Variants in POLE2 observed in about 807,000 individuals in gnomAD.
POLE2 encodes DNA polymerase epsilon subunit 2.
POLE2 carries 56 observed loss-of-function variants against 79.4 expected under a neutral mutation model. The ratio of observed to expected loss-of-function variants is 0.71; its 90% CI spans 0.57 to 0.88. The LOEUF (loss-of-function observed/expected upper bound fraction) is 0.88. POLE2 is among the 40% of genes least tolerant of loss of function. The probability of loss-of-function intolerance (pLI) is 0.00; values close to 1 mark genes in which losing one functional copy is unlikely to be tolerated. For synonymous variants in POLE2, 212 were observed against 214.0 expected, an observed-to-expected ratio of 0.99 and a Z score of 0.08; for missense variants, 598 against 638.9, an observed-to-expected ratio of 0.94 and a Z score of 0.69.
At chr14:49,660,648 C>T (rs1885034651) in intron 10 of POLE2, among the ~76,000 whole-genome samples, 1 of 152,082 alleles carries the variant, frequency 6.6e-6, no homozygotes, top group Non-Finnish European at 1.5e-5. Context: ...CAGCCTCCCT[C>T]TGGGAGGCCG....
At chr14:49,653,950 A>C (rs1306975357) in intron 15 of POLE2, 40 bp downstream of exon 15, 5 of 1,244,854 alleles carry the variant, frequency 4.0e-6, no homozygotes, top group Non-Finnish European at 5.8e-6. Flanking sequence ...TAATTTTTAA[A>C]TGAAAGGAAA....
chr14:49,646,499 T>G (rs1883789002), intron 18 of POLE2: 1 of 151,956 alleles, frequency 6.6e-6, no homozygotes, highest in Non-Finnish European at 1.5e-5. Flanking sequence ...ATTTTTGTAT[T>G]TTTAATAAAG....
At chr14:49,676,636 C>T (rs184460059) in intron 3 of POLE2, among the ~76,000 whole-genome samples, 3 of 152,212 alleles carry the variant, frequency 2.0e-5, no homozygotes, top group Non-Finnish European at 2.9e-5. Flanking sequence ...GTGAGGAGTA[C>T]GGGCTGGCCG....
At chr14:49,653,878 C>A in intron 15 of POLE2, 112 bp downstream of exon 15, 1 of 627,782 alleles carries the variant, frequency 1.6e-6, no homozygotes, top group South Asian at 2.0e-5. Context: ...GAACTCCAAG[C>A]AACCTGCCTG....
At chr14:49,671,867 T>C (rs572650701) in intron 5 of POLE2, among the ~76,000 whole-genome samples, 1 of 152,034 alleles carries the variant, frequency 6.6e-6, no homozygotes, top group East Asian at 1.9e-4. Flanking sequence ...GGAAGAAGAA[T>C]CACTTGAACC....
rs533305758 is a variant in POLE2 at position 49,663,222 on chromosome 14, C to T, written c.755+93G>A. The T allele has an allele frequency of 9.1e-6, 5 of 550,990 alleles. No individual in the cohort carries two copies. In the Admixed American group the frequency reaches 9.3e-5, roughly 10 times the overall value. 34.1% of individuals were successfully genotyped at this position (550,990 alleles called of 1,614,324 possible). On this transcript the variant is annotated intron_variant, in intron 10 of 18. Coordinates refer to ENST00000216367, the MANE Select transcript of POLE2 (RefSeq NM_002692.4). ...TTCCATTTTGACACAAAGCCTGACA[C>T]CTTTTAGTAACTGAGATATGACGTA...
intron 2 of POLE2, among the ~76,000 whole-genome samples, chr14:49,682,640 G>GAAA (rs35984833): frequency 1.1e-4 from 7 of 60,974 alleles, no homozygotes; most frequent in African/African-American, 4.0e-4. Flanking sequence ...CCTTCTCAGG[G>GAAA]AAAAAAAAAA....
chr14:49,665,187 T>C, intron 7 of POLE2, 24 bp from the exon 8 acceptor site: 1 of 1,022,824 alleles, frequency 9.8e-7, no homozygotes, highest in Non-Finnish European at 1.5e-6. Flanking sequence ...AATAAATAAA[T>C]CCACATTTAT....
chr14:49,652,387 A>T (rs1325214962), intron 15 of POLE2, among the ~76,000 whole-genome samples: 1 of 151,600 alleles, frequency 6.6e-6, no homozygotes, highest in Non-Finnish European at 1.5e-5. Context: ...GGCCGAGAAG[A>T]TGGCAGAGCA....
chr14:49,669,818 T>C (rs1219895454), intron 5 of POLE2, among the ~76,000 whole-genome samples: 2 of 152,170 alleles, frequency 1.3e-5, no homozygotes, highest in Admixed American at 6.5e-5. Flanking sequence ...GTCTATTGTG[T>C]GTATGGCAGC....
intron 11 of POLE2, 129 bp downstream of exon 11, chr14:49,655,542 A>C: frequency 1.5e-6 from 1 of 687,434 alleles, no homozygotes; most frequent in Non-Finnish European, 2.5e-6. Context: ...AATCTAATTT[A>C]AATTATCTCA....
At chr14:49,647,845 C>A (rs1363542636) in intron 17 of POLE2, among the ~76,000 whole-genome samples, 1 of 152,158 alleles carries the variant, frequency 6.6e-6, no homozygotes, top group Non-Finnish European at 1.5e-5. Flanking sequence ...TAAAGTAACA[C>A]AACAGATTTT....
chr14:49,654,127 C>G (rs986058013), intron 14 of POLE2, 28 bp downstream of exon 14: 2 of 1,599,678 alleles, frequency 1.3e-6, no homozygotes, highest in Admixed American at 1.7e-5. Context: ...ATTTTCTACA[C>G]TGTTGCAAAA....
At chr14:49,678,689 C>G (rs770068921) in intron 3 of POLE2, among the ~76,000 whole-genome samples, 1 of 152,090 alleles carries the variant, frequency 6.6e-6, no homozygotes, top group Non-Finnish European at 1.5e-5. Flanking sequence ...CAGAGTCTCA[C>G]TCTGTCGCCC....
chr14:49,651,120 C>A, intron 16 of POLE2, 149 bp downstream of exon 16: 1 of 496,404 alleles, frequency 2.0e-6, no homozygotes, highest in Middle Eastern at 5.4e-4. Context: ...ACTTCACTAA[C>A]AAAAATTAAC....
chr14:49,655,306 T>C (rs45492297), intron 11 of POLE2, among the ~76,000 whole-genome samples: 141 of 152,276 alleles, frequency 9.3e-4, no homozygotes, highest in African/African-American at 3.3e-3. Flanking sequence ...AGAACATCCA[T>C]AAAATCTGAG....
intron 5 of POLE2, 136 bp from the exon 6 acceptor site, chr14:49,669,734 C>A: frequency 1.7e-6 from 1 of 584,012 alleles, no homozygotes; most frequent in Non-Finnish European, 3.0e-6. Flanking sequence ...TGAAAACCCA[C>A]ATAATTTAAC....
At chr14:49,656,875 G>A (rs1295747113) in intron 10 of POLE2, among the ~76,000 whole-genome samples, 4 of 152,140 alleles carry the variant, frequency 2.6e-5, no homozygotes, top group Non-Finnish European at 5.9e-5. Flanking sequence ...TTGGGAGGCC[G>A]AGGTGGGGGG....
chr14:49,649,854 T>A (rs535853433), intron 17 of POLE2, among the ~76,000 whole-genome samples: 1 of 152,078 alleles, frequency 6.6e-6, no homozygotes, highest in East Asian at 1.9e-4. Context: ...ACCAATGAGG[T>A]TTCTATATTA....
Sources: gnomAD v4.1 joint callset for allele counts (sites outside exome capture counted in the v4.1 genomes callset) on GRCh38, gnomAD v4.1.1 for gene constraint, MANE v1.5 for transcripts, NCBI Gene and HGNC (gene_info 2026-07-23, HGNC 2026-07-21) for gene names.